Variants in PFKL observed in about 807,000 individuals in gnomAD.
PFKL encodes ATP-dependent 6-phosphofructokinase, liver type.
In PFKL, 74 loss-of-function variants were observed where a neutral mutation model predicts 92.1. That is an observed-to-expected ratio of 0.80 (90% confidence interval 0.67 to 0.97). The LOEUF is 0.97. PFKL is among the 50% of genes least tolerant of loss of function. The probability of loss-of-function intolerance (pLI) is 0.00; values close to 1 mark genes in which losing one functional copy is unlikely to be tolerated. For synonymous variants in PFKL, 494 were observed against 456.4 expected (o/e 1.08, Z -1.05); for missense variants, 1,028 against 1,116.6 (o/e 0.92, Z 1.13).
intron 11 of PFKL, 199 bp downstream of exon 11, chr21:44,319,614 TG>T: frequency 1.7e-6 from 1 of 600,818 alleles, no homozygotes; most frequent in East Asian, 2.8e-5. Context: ...CCCTGGGCGG[TG>T]GCACGGGCAG....
At chr21:44,312,391 G>T in intron 4 of PFKL, 97 bp downstream of exon 4, 2 of 1,199,272 alleles carry the variant, frequency 1.7e-6, no homozygotes, top group Non-Finnish European at 2.3e-6. Context: ...AGGGATCCCT[G>T]GGTGCCCCGA....
intron 9 of PFKL, among the ~76,000 whole-genome samples, chr21:44,318,178 C>T (rs899137577): frequency 9.2e-5 from 14 of 152,242 alleles, no homozygotes; most frequent in South Asian, 2.1e-4. Flanking sequence ...TTGCCTTGCG[C>T]GCCTAGCGAT....
chr21:44,326,241 G>C lies in PFKL; in HGVS notation c.2172G>C (p.Glu724Asp). ...KKAVAFSPVT[E>D]LKKDTDFEHR... ...CGGTGGCCTTCAGCCCCGTCACTGA[G>C]CTCAAGAAAGACACTGATTTCGAGT... The change falls in exon 21 of 22, where the codon GAG becomes GAC. Residue 724 changes from glutamate to aspartate, a missense_variant. By Grantham distance (45) the Glu-to-Asp change is conservative. Coordinates refer to ENST00000349048, the MANE Select transcript of PFKL (RefSeq NM_002626.6). 1 of 1,612,130 alleles carries C rather than the reference G, an allele frequency of 6.2e-7. No individual in the cohort carries two copies. The highest frequency in any genetic ancestry group is 8.5e-7 in the Non-Finnish European group (1 of 1,179,202).
At position 44,327,306 on chromosome 21, in the gene PFKL, G is replaced by C. The variant is rs1316025411; in HGVS notation, c.*444G>C. ...CTCACTGTGACCTGCTCCTGCCCAC[G>C]TGCAGCACCTGTCACCTTTTCTAGA... is the stretch of plus-strand genomic sequence containing the variant. On this transcript the variant is annotated 3_prime_UTR_variant, in exon 22 of 22. Coordinates refer to ENST00000349048, the MANE Select transcript of PFKL (RefSeq NM_002626.6). 3 of 192,192 alleles carry C rather than the reference G, an allele frequency of 1.6e-5. No homozygotes were observed. Among genetic ancestry groups the C allele is most frequent in the Non-Finnish European group, 3.3e-5 (3 of 91,326 alleles). 11.9% of individuals were successfully genotyped at this position (192,192 alleles called of 1,614,324 possible). A position where few individuals can be genotyped will look rare whatever the true frequency, so the allele number is the denominator to read the frequency against.
intron 1 of PFKL, chr21:44,305,091 C>A: frequency 2.3e-6 from 1 of 437,116 alleles, no homozygotes; most frequent in Non-Finnish European, 3.9e-6. Flanking sequence ...CCTACTGAAC[C>A]TGAGGGTGGG....
chr21:44,312,435 G>T (rs2047075533), intron 4 of PFKL, 141 bp downstream of exon 4: 1 of 754,616 alleles, frequency 1.3e-6, no homozygotes, highest in Non-Finnish European at 2.0e-6. Flanking sequence ...GTTGGCCGGG[G>T]AGGAGTAGTG....
intron 18 of PFKL, 102 bp downstream of exon 18, chr21:44,325,019 C>T: frequency 7.8e-7 from 1 of 1,276,404 alleles, no homozygotes; most frequent in South Asian, 1.3e-5. Context: ...AGGAGGGGTC[C>T]TTGGAGAGGG....
chr21:44,325,252 C>T lies in PFKL; in HGVS notation c.1977C>T (p.Gly659=), dbSNP rs940637085. ...TCGACTGCAGGACCAATGTCCTGGG[C>T]CACCTGCAGCAGGTGTGGGGCAGGG... The part of the protein sequence containing the change: ...GVFDCRTNVL[G]HLQQGGAPTP... Residue 659 remains glycine, a synonymous_variant, in exon 19 of 22, where the codon GGC becomes GGT. Coordinates refer to ENST00000349048, the MANE Select transcript of PFKL (RefSeq NM_002626.6). The T allele has an allele frequency of 2.5e-6, 4 of 1,602,590 alleles. No homozygotes were observed. The highest frequency in any genetic ancestry group is 2.7e-5 in the African/African-American group (2 of 74,718).
At chr21:44,303,441 A>AAAAAAAAAAACACTTGATCG (rs1555874963) in intron 1 of PFKL, among the ~76,000 whole-genome samples, 2 of 97,136 alleles carry the variant, frequency 2.1e-5, no homozygotes, top group African/African-American at 5.3e-5. Flanking sequence ...ACCAAAAAAA[A>AAAAAAAAAAACACTTGATCG]AAAAAAAAAA....
rs984544361 is a variant in PFKL, at chr21:44,312,445, G to T, written c.427+151G>T. The T allele has an allele frequency of 1.5e-5, 10 of 684,238 alleles. No individual in the cohort carries two copies. In the East Asian group the frequency reaches 3.1e-4, roughly 21 times the overall value. 42.4% of individuals were successfully genotyped at this position (684,238 alleles called of 1,614,324 possible). ...TGGCCGTTGGCCGGGGAGGAGTAGT[G>T]TCTGCCAGCACGAGCTCAGATGTCT... On this transcript the variant is annotated intron_variant, in intron 4 of 21. Coordinates refer to ENST00000349048, the MANE Select transcript of PFKL (RefSeq NM_002626.6).
intron 1 of PFKL, among the ~76,000 whole-genome samples, chr21:44,301,574 G>C (rs1008087035): frequency 2.6e-5 from 4 of 152,194 alleles, no homozygotes; most frequent in African/African-American, 9.7e-5. Context: ...GTGGCCTGGT[G>C]GGTTGTGGGC....
chr21:44,323,833 G>A lies in PFKL; in HGVS notation c.1565G>A (p.Cys522Tyr), dbSNP rs1163175984. The part of the protein sequence containing the change: ...GRYEELCIVM[C>Y]VIPATISNNV... ...TACGAGGAGCTCTGCATCGTCATGT[G>A]TGTCATCCCAGCCACCATCAGCAAC... Residue 522 changes from cysteine (C) to tyrosine (Y), a missense_variant, in exon 16 of 22, where the codon TGT (cysteine) becomes TAT (tyrosine). Physicochemically the swap from Cys to Tyr is radical, Grantham distance 194. Transcript: ENST00000349048. 13 of 1,613,294 alleles carry A rather than the reference G, an allele frequency of 8.1e-6. No individual in the cohort carries two copies. Among genetic ancestry groups the A allele is most frequent in the Non-Finnish European group, 1.0e-5 (12 of 1,179,964 alleles).
Position 44,325,180 on chromosome 21 carries a change from C to G in PFKL, c.1905C>G (p.Thr635=), listed in dbSNP as rs747254864. ...ACGAGAAGTGCCATGACTACTACAC[C>G]ACGGAGTTCCTGTACAACCTGTACT... ...LRNEKCHDYY[T]TEFLYNLYSS... is the part of the protein sequence containing the mutation. Residue 635 remains threonine (T), a synonymous_variant, in exon 19 of 22, where the codon ACC becomes ACG. Transcript: ENST00000349048. The G allele has an allele frequency of 2.1e-5, 34 of 1,612,666 alleles. No homozygotes were observed. Among genetic ancestry groups the G allele is most frequent in the Non-Finnish European group, 2.5e-5 (30 of 1,179,330 alleles).
At chr21:44,324,010 T>G in intron 16 of PFKL, 92 bp downstream of exon 16, 1 of 1,471,336 alleles carries the variant, frequency 6.8e-7, no homozygotes, top group East Asian at 2.3e-5. Context: ...TAGTGTGTGG[T>G]GAGCACCTGG....
chr21:44,310,556 C>G (rs1025875561), intron 2 of PFKL, among the ~76,000 whole-genome samples: 1 of 152,200 alleles, frequency 6.6e-6, no homozygotes, highest in Non-Finnish European at 1.5e-5. Context: ...CACACCCCGC[C>G]GGCCGCATGC....
chr21:44,307,560 C>T (rs1412976095), intron 2 of PFKL, among the ~76,000 whole-genome samples: 1 of 152,244 alleles, frequency 6.6e-6, no homozygotes, highest in Non-Finnish European at 1.5e-5. Context: ...CCCCACCCCC[C>T]TCACTGCTCA....
chr21:44,323,063 A>T lies in PFKL; in HGVS notation c.1497+14A>T. On this transcript the variant is annotated intron_variant, in intron 15 of 21. Transcript: ENST00000349048. Reference sequence around the variant, plus strand: ...GGTGGGTTTGAGGTGAGAGCTGCCCACGGACGAAAAAGCCCCAGGGCACAG... The same window carrying T: ...GGTGGGTTTGAGGTGAGAGCTGCCCTCGGACGAAAAAGCCCCAGGGCACAG... The T allele has an allele frequency of 6.2e-7, 1 of 1,607,294 alleles. No homozygotes were observed.
chr21:44,306,720 T>A lies in PFKL; in HGVS notation c.125T>A (p.Ile42Asn). 3 of 1,613,796 alleles carry A rather than the reference T, an allele frequency of 1.9e-6. No homozygotes were observed. The highest frequency in any genetic ancestry group is 2.5e-6 in the Non-Finnish European group (3 of 1,179,892). ...GTCCGGGCTGTGACGCGCATGGGCA[T>A]TTATGTGGGTGCCAAAGTCTTCCTC... ...AAVRAVTRMG[I>N]YVGAKVFLIY... The change falls in exon 2 of 22, where the codon ATT becomes AAT. Residue 42 changes from isoleucine to asparagine, a missense_variant. Coordinates refer to ENST00000349048, the MANE Select transcript of PFKL (RefSeq NM_002626.6).
intron 2 of PFKL, among the ~76,000 whole-genome samples, chr21:44,307,728 G>GGTGGGGCTGGA (rs1357687995): frequency 6.6e-6 from 1 of 152,086 alleles, no homozygotes; most frequent in East Asian, 1.9e-4. Flanking sequence ...GCCAGGCTGG[G>GGTGGGGCTGGA]GCCCTGCCAG....
Sources: gnomAD v4.1 joint callset for allele counts (sites outside exome capture counted in the v4.1 genomes callset) on GRCh38, gnomAD v4.1.1 for gene constraint, MANE v1.5 for transcripts, NCBI Gene and HGNC (gene_info 2026-07-23, HGNC 2026-07-21) for gene names.